Variants in MRPS21 observed in about 807,000 individuals in gnomAD.
MRPS21 encodes the protein mitochondrial ribosomal protein S21, also known as small ribosomal subunit protein bS21m.
A neutral mutation model predicts 9.9 loss-of-function variants in MRPS21; 8 were observed. The observed-to-expected ratio is 0.81, with a 90% CI of 0.47 to 1.45. The LOEUF is 1.45. Ranked by LOEUF, MRPS21 falls within the 40% of genes most tolerant of loss-of-function variation. MRPS21 has a pLI of 0.00. For missense variants in MRPS21, 101 were observed against 118.9 expected (o/e 0.85, Z 0.70); for synonymous variants, 40 against 40.3 (o/e 0.99, Z 0.03).
chr1:150,302,311 A>AAC (rs1184820213), intron 2 of MRPS21, among the ~76,000 whole-genome samples: 1 of 152,084 alleles, frequency 6.6e-6, no homozygotes, highest in Non-Finnish European at 1.5e-5. Context: ...CCTGTTATAT[A>AAC]ACTGGGGGCC....
At chr1:150,306,826 G>C (rs1399331920) in intron 2 of MRPS21, among the ~76,000 whole-genome samples, 1 of 152,042 alleles carries the variant, frequency 6.6e-6, no homozygotes, top group Admixed American at 6.6e-5. Flanking sequence ...ATCACCTTAA[G>C]AATCACCCCT....
intron 1 of MRPS21, chr1:150,294,100 C>T (rs1653823146): frequency 2.6e-6 from 1 of 390,012 alleles, no homozygotes; most frequent in Non-Finnish European, 4.9e-6. Context: ...GGCGACGCGT[C>T]TTTGTGGTAA....
At chr1:150,298,822 G>A (rs7543314) in intron 2 of MRPS21, among the ~76,000 whole-genome samples, 7,198 of 151,976 alleles carry the variant, frequency 0.047, 432 homozygotes, top group African/African-American at 0.13. Flanking sequence ...GAATGGTCTC[G>A]ATCTCCTGAC....
At chr1:150,304,390 G>T (rs1572151063) in intron 2 of MRPS21, among the ~76,000 whole-genome samples, 2 of 151,986 alleles carry the variant, frequency 1.3e-5, no homozygotes. Context: ...TGTTAGAAAT[G>T]CAAATTCTTG....
chr1:150,307,348 CTTTTTTTTTTTTT>C (rs1572154026), intron 2 of MRPS21, among the ~76,000 whole-genome samples: 1 of 87,552 alleles, frequency 1.1e-5, no homozygotes, highest in African/African-American at 4.4e-5. Flanking sequence ...GTGCCCAGTC[CTTTTTTTTTTTTT>C]TTTTTTTTTC....
intron 2 of MRPS21, among the ~76,000 whole-genome samples, chr1:150,299,411 TCA>T (rs1491157612): frequency 7.3e-6 from 1 of 136,582 alleles, no homozygotes; most frequent in Non-Finnish European, 1.6e-5. Context: ...TAATCAACAC[TCA>T]GTTTTTGCTT....
intron 2 of MRPS21, among the ~76,000 whole-genome samples, chr1:150,297,289 T>A (rs1653949137): frequency 1.9e-5 from 2 of 104,232 alleles, no homozygotes; most frequent in African/African-American, 3.2e-5. Context: ...AGACTCTGTC[T>A]ACAAAAAAAA....
intron 2 of MRPS21, among the ~76,000 whole-genome samples, chr1:150,295,021 A>G (rs1322931798): frequency 7.2e-6 from 1 of 139,420 alleles, no homozygotes; most frequent in Admixed American, 7.3e-5. Flanking sequence ...TTTGAGGCAG[A>G]GTCTCGCTCT....
chr1:150,299,438 T>TC (rs1553857219), intron 2 of MRPS21, among the ~76,000 whole-genome samples: 1 of 149,984 alleles, frequency 6.7e-6, no homozygotes. Context: ...TGTTTTTTTT[T>TC]CTGTTTTTTG....
intron 2 of MRPS21, among the ~76,000 whole-genome samples, chr1:150,303,219 A>C (rs1209946554): frequency 2.0e-5 from 3 of 152,104 alleles, no homozygotes; most frequent in African/African-American, 7.2e-5. Context: ...TTCCTAGGTC[A>C]TATTTACTCA....
chr1:150,298,349 T>C (rs1653988965), intron 2 of MRPS21, among the ~76,000 whole-genome samples: 1 of 152,216 alleles, frequency 6.6e-6, no homozygotes, highest in African/African-American at 2.4e-5. Flanking sequence ...TTTTTCTGAC[T>C]TCTCCCTGTA....
At chr1:150,307,702 G>A (rs373584434) in intron 2 of MRPS21, among the ~76,000 whole-genome samples, 7 of 152,122 alleles carry the variant, frequency 4.6e-5, no homozygotes, top group Non-Finnish European at 2.9e-5. Context: ...CCTCAGCCTC[G>A]TGAGTCGCTA....
chr1:150,298,321 A>G (rs1202408853), intron 2 of MRPS21, among the ~76,000 whole-genome samples: 2 of 152,218 alleles, frequency 1.3e-5, no homozygotes, highest in Non-Finnish European at 2.9e-5. Context: ...GGCATGTATT[A>G]CGTGTAACTT....
At chr1:150,305,101 C>T in intron 2 of MRPS21, 1 of 269,626 alleles carries the variant, frequency 3.7e-6, no homozygotes, top group Non-Finnish European at 7.4e-6. Context: ...ACAATCATGG[C>T]TCACTGCAGT....
At chr1:150,300,149 C>G (rs1654064126) in intron 2 of MRPS21, among the ~76,000 whole-genome samples, 1 of 151,992 alleles carries the variant, frequency 6.6e-6, no homozygotes, top group Non-Finnish European at 1.5e-5. Context: ...TCAAGACCAG[C>G]CTGGCCAACA....
rs1289384919 is a variant in MRPS21, at chr1:150,308,800, C to T, written c.*572C>T. On this transcript the variant is annotated 3_prime_UTR_variant, in exon 3 of 3. Transcript: ENST00000614145. ...GCAGTGAGCCAAGATCATGCCACTG[C>T]ACTCCAACCTGGGCGACAGAGTGAG... The T allele has an allele frequency of 1.9e-5, 3 of 154,190 alleles. No homozygotes were observed. Among genetic ancestry groups the T allele is most frequent in the Middle Eastern group, 5.1e-4 (1 of 1,946 alleles). The allele number at this position is 154,190 out of a possible 1,614,324, so 9.6% of individuals were successfully genotyped here.
At chr1:150,301,534 C>T (rs1654130960) in intron 2 of MRPS21, among the ~76,000 whole-genome samples, 1 of 152,174 alleles carries the variant, frequency 6.6e-6, no homozygotes, top group African/African-American at 2.4e-5. Flanking sequence ...GTCCCATAGA[C>T]TCAGAGTCCC....
intron 2 of MRPS21, chr1:150,301,326 A>T (rs1371316139): frequency 7.4e-6 from 2 of 270,964 alleles, no homozygotes; most frequent in African/African-American, 6.0e-5. Context: ...CGAGAGCGAG[A>T]CTTCGTCTCA....
intron 2 of MRPS21, among the ~76,000 whole-genome samples, chr1:150,297,484 C>T (rs1004734553): frequency 6.6e-6 from 1 of 152,010 alleles, no homozygotes; most frequent in Non-Finnish European, 1.5e-5. Context: ...CCAGCCTGGC[C>T]AACATAGCGA....
Sources: allele counts gnomAD v4.1 joint callset (sites outside exome capture counted in the v4.1 genomes callset), GRCh38; gene constraint gnomAD v4.1.1; transcripts MANE v1.5; gene names NCBI Gene and HGNC (gene_info 2026-07-23, HGNC 2026-07-21).